Variants in SBNO2 observed in about 807,000 individuals in gnomAD.
The protein encoded by SBNO2 is protein strawberry notch homolog 2.
In SBNO2, 89 loss-of-function variants were observed where a neutral mutation model predicts 146.3. The observed-to-expected ratio is 0.61, with a 90% confidence interval of 0.51 to 0.73. The LOEUF (loss-of-function observed/expected upper bound fraction) is 0.73. Among genes scored for constraint, SBNO2 ranks in the 30% least tolerant of loss-of-function variants. SBNO2 has a pLI of 0.00. For missense variants in SBNO2, 2,092 were observed against 2,003.7 expected, an observed-to-expected ratio of 1.04 and a Z score of -0.84; for synonymous variants, 1,147 against 892.6, an observed-to-expected ratio of 1.29 and a Z score of -5.08.
At chr19:1,170,931 C>CATA (rs1555730182) in intron 1 of SBNO2, among the ~76,000 whole-genome samples, 1 of 151,902 alleles carries the variant, frequency 6.6e-6, no homozygotes, top group Non-Finnish European at 1.5e-5. Context: ...AGGCAACACA[C>CATA]ACATGAGCAC....
In SBNO2 at chr19:1,108,696, T is replaced by C; in HGVS notation, c.3625A>G (p.Ile1209Val). Residue 1209 changes from isoleucine to valine, a missense_variant, in exon 32 of 32, where the codon ATC (isoleucine) becomes GTC (valine). By Grantham distance (29) the Ile-to-Val change is conservative. Coordinates refer to ENST00000361757, the MANE Select transcript of SBNO2 (RefSeq NM_014963.3). ...KDRKKQVGIK[I>V]PEGCVRRVLQ... Reference sequence around the variant, plus strand: ...ACCCGGCGCACGCAGCCCTCGGGGATCTTGATGCCTGCGGGCAGAGCGTCG... The same window carrying C: ...ACCCGGCGCACGCAGCCCTCGGGGACCTTGATGCCTGCGGGCAGAGCGTCG... The C allele has an allele frequency of 6.5e-7, 1 of 1,549,012 alleles. No individual in the cohort carries two copies. The highest frequency in any genetic ancestry group is 8.7e-7 in the Non-Finnish European group (1 of 1,156,018).
chr19:1,132,149 G>C, intron 4 of SBNO2: 1 of 1,473,596 alleles, frequency 6.8e-7, no homozygotes, highest in Non-Finnish European at 8.9e-7. Context: ...CCGGCGCTCG[G>C]GGGGCCAGGG....
chr19:1,115,715 T>G, intron 17 of SBNO2: 1 of 501,106 alleles, frequency 2.0e-6, no homozygotes, highest in South Asian at 2.3e-5. Flanking sequence ...GTGGAGACCC[T>G]GAAAACGGAA....
At chr19:1,130,580 C>T (rs1039925875) in intron 4 of SBNO2, among the ~76,000 whole-genome samples, 7 of 151,978 alleles carry the variant, frequency 4.6e-5, no homozygotes, top group East Asian at 1.9e-4. Flanking sequence ...TCACTTGAGC[C>T]CAGGAGTTCA....
intron 19 of SBNO2, among the ~76,000 whole-genome samples, chr19:1,113,289 G>A (rs911632175): frequency 1.2e-4 from 18 of 152,232 alleles, no homozygotes; most frequent in Non-Finnish European, 5.9e-5. Flanking sequence ...AGAGGCCTGC[G>A]CAGGCCAGGC....
rs768501791 is a variant in SBNO2 at position 1,144,633 on chromosome 19, CAG to C, written c.279+2674_279+2675del. 2.1e-5 allele frequency among the ~76,000 whole-genome samples: 3 copies of C among 144,824 alleles called. No homozygotes were observed. Among genetic ancestry groups the C allele is most frequent in the East Asian group, 2.1e-4 (1 of 4,782 alleles). ...AGGCAGAGAGGGAAACAGACGAAGA[CAG>C]AGAGGGCGACAGAGACAGAGGCAGA... On this transcript the variant is annotated intron_variant, in intron 4 of 31. Coordinates refer to ENST00000361757, the MANE Select transcript of SBNO2 (RefSeq NM_014963.3). The surrounding 1 kb of genome is among the most constrained non-coding windows in gnomAD (Gnocchi z 4.1).
At chr19:1,113,359 G>C (rs1042813802) in intron 19 of SBNO2, among the ~76,000 whole-genome samples, 176 bp downstream of exon 19, 6 of 152,160 alleles carry the variant, frequency 3.9e-5, no homozygotes, top group African/African-American at 1.4e-4. Flanking sequence ...GTGGCCTCCC[G>C]GGCCGAGCTG....
chr19:1,147,416 A>G lies in SBNO2; in HGVS notation c.172T>C (p.Phe58Leu). 1.1e-6 allele frequency: 1 copy of G among 889,730 alleles called. No homozygotes were observed. Among genetic ancestry groups the G allele is most frequent in the Admixed American group, 3.0e-5 (1 of 33,134 alleles). The allele number at this position is 889,730 out of a possible 1,614,324, so 55.1% of individuals were successfully genotyped here. A position where few individuals can be genotyped will look rare whatever the true frequency, so the allele number is the denominator to read the frequency against. Residue 58 changes from phenylalanine (F) to leucine (L), a missense_variant, in exon 4 of 32, where the codon TTC becomes CTC. Phe to Leu is a conservative substitution (Grantham distance 22). Transcript: ENST00000361757. ...CCGAGGAAGGAGGCGGAGCTCATGAACGGGCTGGAGGGAGATGGGGGGGGG... is the reference window on the plus strand; with the variant it reads ...CCGAGGAAGGAGGCGGAGCTCATGAGCGGGCTGGAGGGAGATGGGGGGGGG... ...YPAFSSDSRP[F>L]MSSASFLGSQ...
Position 1,123,951 on chromosome 19 carries a change from G to A in SBNO2, c.513C>T (p.Val171=), listed in dbSNP as rs1274321248. The change falls in exon 6 of 32, where the codon GTC becomes GTT. Residue 171 remains valine (V), a synonymous_variant. Coordinates refer to ENST00000361757, the MANE Select transcript of SBNO2 (RefSeq NM_014963.3). ...FLPSHSTPLL[V]SYQEQSVQSQ... ...GCTGGGCCCAGCTCACCTGGTAGCT[G>A]ACGAGAAGCGGGGTGCTGTGGGAGG... 1 of 1,611,528 alleles carries A rather than the reference G, an allele frequency of 6.2e-7. No individual in the cohort carries two copies. Among genetic ancestry groups the A allele is most frequent in the Non-Finnish European group, 8.5e-7 (1 of 1,179,276 alleles).
intron 11 of SBNO2, among the ~76,000 whole-genome samples, chr19:1,121,876 C>T (rs59162217): frequency 0.027 from 4,043 of 152,302 alleles, 178 homozygotes; most frequent in African/African-American, 0.092. Flanking sequence ...GTGGTACCCA[C>T]AGGGCCAGCC....
At chr19:1,138,598 G>A (rs1040392302) in intron 4 of SBNO2, among the ~76,000 whole-genome samples, 10 of 152,082 alleles carry the variant, frequency 6.6e-5, no homozygotes, top group East Asian at 1.9e-4. Context: ...CGACGGCCAC[G>A]GGTGGAAGCA....
chr19:1,164,362 T>C (rs1045503117), intron 1 of SBNO2, among the ~76,000 whole-genome samples: 2 of 131,448 alleles, frequency 1.5e-5, no homozygotes, highest in African/African-American at 2.9e-5. Context: ...TGTGGGGACG[T>C]CCCAGATGCC....
rs765868991 is a variant in SBNO2, at chr19:1,112,077, G to A, written c.2629-10C>T. ...CGTGGGTCAGGGCCCCCTGCCAGGG[G>A]TGGGGAGGCCATCAGTTGGTCACCT... On this transcript the variant is annotated splice_polypyrimidine_tract_variant and intron_variant, in intron 22 of 31. Coordinates refer to ENST00000361757, the MANE Select transcript of SBNO2 (RefSeq NM_014963.3). The surrounding 1 kb of genome is among the most constrained non-coding windows in gnomAD (Gnocchi z 5.9). 4 of 1,612,180 alleles carry A rather than the reference G, an allele frequency of 2.5e-6. No homozygotes were observed. In the African/African-American group the frequency reaches 5.3e-5, roughly 22 times the overall value.
At chr19:1,131,799 G>T (rs2080031420) in intron 4 of SBNO2, among the ~76,000 whole-genome samples, 2 of 152,222 alleles carry the variant, frequency 1.3e-5, no homozygotes, top group South Asian at 4.1e-4. Flanking sequence ...CCCCGTCCGG[G>T]CAGGGCTGAG....
At position 1,108,704 on chromosome 19, in the gene SBNO2, C is replaced by A; in HGVS notation, c.3617G>T (p.Gly1206Val). The A allele has an allele frequency of 6.4e-7, 1 of 1,553,334 alleles. No individual in the cohort carries two copies. The highest frequency in any genetic ancestry group is 8.6e-7 in the Non-Finnish European group (1 of 1,157,856). ...LKTKDRKKQV[G>V]IKIPEGCVRR... ...CACGCAGCCCTCGGGGATCTTGATG[C>A]CTGCGGGCAGAGCGTCGGGGTCAGG... Residue 1206 changes from glycine (G) to valine (V), a missense_variant and splice_region_variant, in exon 32 of 32, where the codon GGC becomes GTC. Physicochemically the swap from Gly to Val is moderately radical, Grantham distance 109. Transcript: ENST00000361757.
chr19:1,110,692 C>A lies in SBNO2; in HGVS notation c.3028+53G>T. On this transcript the variant is annotated intron_variant, in intron 26 of 31. Coordinates refer to ENST00000361757, the MANE Select transcript of SBNO2 (RefSeq NM_014963.3). This position sits in a 1 kb window ranked among gnomAD's most constrained non-coding sequence, Gnocchi z 4.9. ...GCCCACCCAGGATGCATGGCGTTCC[C>A]ACGAGCCCCGCACCCACACCCACCC... 1 of 1,597,416 alleles carries A rather than the reference C, an allele frequency of 6.3e-7. No individual in the cohort carries two copies. The highest frequency in any genetic ancestry group is 1.1e-5 in the South Asian group (1 of 89,684).
intron 11 of SBNO2, among the ~76,000 whole-genome samples, chr19:1,121,211 A>G (rs2079897134): frequency 6.6e-6 from 1 of 152,250 alleles, no homozygotes; most frequent in Admixed American, 6.5e-5. Flanking sequence ...TTTTAAGACG[A>G]AAGAAAGCCA....
chr19:1,109,664 T>C lies in SBNO2; in HGVS notation c.3123+19A>G. The C allele has an allele frequency of 4.4e-6, 7 of 1,606,108 alleles. No individual in the cohort carries two copies. Among genetic ancestry groups the C allele is most frequent in the Non-Finnish European group, 6.0e-6 (7 of 1,176,264 alleles). ...GCGGGGTGGGCAGAGTGTGAGGGGC[T>C]GTGGGGCTTCCTGCTGACCTTGTAG... On this transcript the variant is annotated intron_variant, in intron 27 of 31. Transcript: ENST00000361757. The surrounding 1 kb of genome is among the most constrained non-coding windows in gnomAD (Gnocchi z 4.2).
At chr19:1,169,847 T>A (rs553729812) in intron 1 of SBNO2, among the ~76,000 whole-genome samples, 1 of 152,138 alleles carries the variant, frequency 6.6e-6, no homozygotes, top group Non-Finnish European at 1.5e-5. Context: ...TTCAACGTAT[T>A]CTAAGGCAGA....
Sources: allele counts gnomAD v4.1 joint callset (sites outside exome capture counted in the v4.1 genomes callset), GRCh38; gene constraint gnomAD v4.1.1; non-coding constraint Gnocchi (gnomAD v3.1); transcripts MANE v1.5; gene names NCBI Gene and HGNC (gene_info 2026-07-23, HGNC 2026-07-21).